KAZN: variants seen among roughly 807,000 people sequenced by gnomAD.
The protein encoded by KAZN is kazrin, periplakin interacting protein.
A neutral mutation model predicts 87.4 loss-of-function variants in KAZN; 40 were observed. That is an observed-to-expected ratio of 0.46 (90% CI 0.36 to 0.60). KAZN has a LOEUF of 0.60. Among genes scored for constraint, KAZN ranks in the 20% least tolerant of loss-of-function variants. KAZN has a pLI of 0.00. For missense variants in KAZN, 898 were observed against 1,073.9 expected (o/e 0.84, Z 2.29); for synonymous variants, 466 against 458.3 (o/e 1.02, Z -0.22).
chr1:14,088,821 C>G (rs1173476705), intron 1 of KAZN, among the ~76,000 whole-genome samples: 1 of 151,820 alleles, frequency 6.6e-6, no homozygotes, highest in Non-Finnish European at 1.5e-5. Context: ...TTTATGAAGT[C>G]CATGCACATT....
At chr1:14,878,364 A>G (rs1364561759) in intron 1 of KAZN, among the ~76,000 whole-genome samples, 1 of 151,882 alleles carries the variant, frequency 6.6e-6, no homozygotes, top group Non-Finnish European at 1.5e-5. Flanking sequence ...TGCCCTCTAC[A>G]CACTAGATAC....
intron 4 of KAZN, among the ~76,000 whole-genome samples, chr1:15,046,493 C>T (rs1557751426): frequency 6.6e-6 from 1 of 152,086 alleles, no homozygotes; most frequent in Non-Finnish European, 1.5e-5. Flanking sequence ...CAGACCCACG[C>T]ACCCATGCCG....
At chr1:14,687,656 C>A (rs1324013816) in intron 1 of KAZN, among the ~76,000 whole-genome samples, 1 of 152,174 alleles carries the variant, frequency 6.6e-6, no homozygotes, top group African/African-American at 2.4e-5. Context: ...TGCCAAGGAA[C>A]TGGGATGTGA....
chr1:14,646,425 CA>C (rs906037466), intron 1 of KAZN, among the ~76,000 whole-genome samples: 1 of 152,096 alleles, frequency 6.6e-6, no homozygotes, highest in African/African-American at 2.4e-5. Flanking sequence ...CAGAACAAAA[CA>C]AATAAATGAT....
At chr1:14,736,078 G>A (rs768620815) in intron 1 of KAZN, among the ~76,000 whole-genome samples, 2 of 152,170 alleles carry the variant, frequency 1.3e-5, no homozygotes, top group Non-Finnish European at 2.9e-5. Context: ...ACCTCCGGTG[G>A]ATGAGGCCAG....
chr1:14,502,867 C>T (rs989217964), intron 2 of KAZN, among the ~76,000 whole-genome samples: 3 of 152,174 alleles, frequency 2.0e-5, no homozygotes, highest in South Asian at 2.1e-4. Context: ...ATTTTATGAA[C>T]ACCCTTCAGA....
At chr1:15,078,260 C>T (rs1266931407) in intron 8 of KAZN, among the ~76,000 whole-genome samples, 1 of 152,000 alleles carries the variant, frequency 6.6e-6, no homozygotes, top group Non-Finnish European at 1.5e-5. Context: ...CAAAAATTAG[C>T]TGGGCATGGT....
At chr1:14,034,501 C>G (rs538760872) in intron 1 of KAZN, among the ~76,000 whole-genome samples, 41 of 152,276 alleles carry the variant, frequency 2.7e-4, no homozygotes, top group African/African-American at 9.6e-4. Flanking sequence ...TCAAAGGTGT[C>G]GAGCTGGGTC....
At chr1:13,949,527 C>T (rs115242545) in intron 1 of KAZN, among the ~76,000 whole-genome samples, 2,925 of 134,510 alleles carry the variant, frequency 0.022, 38 homozygotes, top group South Asian at 0.05. Context: ...CTCTGTGTGA[C>T]GAGGTGTTTT....
At chr1:14,419,810 T>TTCGGGGTC (rs1665234755) in intron 2 of KAZN, among the ~76,000 whole-genome samples, 1 of 151,820 alleles carries the variant, frequency 6.6e-6, no homozygotes, top group African/African-American at 2.4e-5. Flanking sequence ...TCCCGGTGGG[T>TTCGGGGTC]TCGGGGTCTC....
intron 2 of KAZN, among the ~76,000 whole-genome samples, chr1:14,308,740 C>G (rs1655094135): frequency 6.6e-6 from 1 of 152,030 alleles, no homozygotes; most frequent in African/African-American, 2.4e-5. Context: ...CCTGAATGAA[C>G]TAATACGCAT....
At chr1:14,193,577 G>C (rs1646466339) in intron 2 of KAZN, among the ~76,000 whole-genome samples, 1 of 151,710 alleles carries the variant, frequency 6.6e-6, no homozygotes, top group Non-Finnish European at 1.5e-5. Context: ...CAGCCACCCA[G>C]TCTGTGCTAC....
intron 1 of KAZN, among the ~76,000 whole-genome samples, chr1:13,990,085 A>C (rs1054247412): frequency 1.3e-5 from 2 of 152,236 alleles, no homozygotes; most frequent in African/African-American, 4.8e-5. Flanking sequence ...TGACAATCAA[A>C]AACAAACTTT....
intron 1 of KAZN, among the ~76,000 whole-genome samples, chr1:14,782,554 C>CAAAAAAAAAAAAAAAAAA (rs71572122): frequency 2.3e-4 from 15 of 66,250 alleles, no homozygotes; most frequent in African/African-American, 2.3e-4. Flanking sequence ...CCTCAAAGAG[C>CAAAAAAAAAAAAAAAAAA]AAAAAAAAAA....
intron 1 of KAZN, among the ~76,000 whole-genome samples, chr1:14,177,956 A>G (rs558321766): frequency 6.6e-6 from 1 of 152,320 alleles, no homozygotes; most frequent in East Asian, 1.9e-4. Flanking sequence ...GTGTCCCCAC[A>G]CAAATATCTT....
chr1:13,978,643 G>C (rs1203650330), intron 1 of KAZN, among the ~76,000 whole-genome samples: 1 of 151,934 alleles, frequency 6.6e-6, no homozygotes, highest in Non-Finnish European at 1.5e-5. Flanking sequence ...ATATCCAGAT[G>C]AAAGTGTAGA....
intron 1 of KAZN, among the ~76,000 whole-genome samples, chr1:14,691,577 C>T (rs887726338): frequency 7.2e-5 from 11 of 152,160 alleles, no homozygotes; most frequent in African/African-American, 2.7e-4. Context: ...AATTCCGCCT[C>T]CTGGGTTCAA....
intron 1 of KAZN, among the ~76,000 whole-genome samples, chr1:14,917,985 T>G (rs1373804259): frequency 6.6e-6 from 1 of 152,076 alleles, no homozygotes; most frequent in East Asian, 1.9e-4. Context: ...TTCAAGCAAT[T>G]CTACTGCCTC....
chr1:14,451,987 TGGAGTGCAC>T (rs1353808921), intron 2 of KAZN, among the ~76,000 whole-genome samples: 1 of 152,216 alleles, frequency 6.6e-6, no homozygotes, highest in Non-Finnish European at 1.5e-5. Context: ...TCACCCAGGC[TGGAGTGCAC>T]TGGCTCCGTC....
Sources: gnomAD v4.1 joint callset for allele counts (sites outside exome capture counted in the v4.1 genomes callset) on GRCh38, gnomAD v4.1.1 for gene constraint, MANE v1.5 for transcripts, NCBI Gene and HGNC (gene_info 2026-07-23, HGNC 2026-07-21) for gene names.